CLDN10: variants seen among roughly 807,000 people sequenced by gnomAD.
CLDN10 encodes claudin 10.
In CLDN10, 15 loss-of-function variants were observed where a neutral mutation model predicts 22.9. That is an observed-to-expected ratio of 0.65 (90% CI 0.44 to 1.01). CLDN10 has a LOEUF of 1.01. Ranked by LOEUF, CLDN10 falls within the 50% of genes least tolerant of loss-of-function variation. CLDN10 has a pLI of 0.00. For missense variants in CLDN10, 247 were observed against 287.8 expected (o/e 0.86, Z 1.03); for synonymous variants, 114 against 111.4 (o/e 1.02, Z -0.15).
intron 1 of CLDN10, among the ~76,000 whole-genome samples, chr13:95,500,086 T>C (rs1476581196): frequency 1.3e-5 from 2 of 152,220 alleles, no homozygotes; most frequent in East Asian, 3.8e-4. Flanking sequence ...CCAATTCATG[T>C]AGTCTGCAAA....
At chr13:95,577,092 C>T (rs1401678524) in intron 3 of CLDN10, 139 bp from the exon 4 acceptor site, 1 of 629,030 alleles carries the variant, frequency 1.6e-6, no homozygotes, top group African/African-American at 1.8e-5. Context: ...TTTACAGACA[C>T]AAGGTGTTAT....
intron 1 of CLDN10, among the ~76,000 whole-genome samples, chr13:95,498,696 A>G (rs1448922103): frequency 6.6e-6 from 1 of 152,154 alleles, no homozygotes; most frequent in African/African-American, 2.4e-5. Context: ...TGCCCAGCCT[A>G]TTCCTCTCCT....
chr13:95,567,850 A>G (rs2138672386), intron 3 of CLDN10, among the ~76,000 whole-genome samples: 1 of 152,304 alleles, frequency 6.6e-6, no homozygotes, highest in African/African-American at 2.4e-5. Context: ...AATTTTGTCG[A>G]AGGCCTTTTT....
chr13:95,515,344 G>A (rs528279065), intron 1 of CLDN10, among the ~76,000 whole-genome samples: 81 of 152,246 alleles, frequency 5.3e-4, no homozygotes, highest in African/African-American at 1.8e-3. Flanking sequence ...AATTACATGC[G>A]TGCACCACCA....
intron 1 of CLDN10, among the ~76,000 whole-genome samples, chr13:95,540,164 G>A (rs1387504300): frequency 1.3e-5 from 2 of 152,120 alleles, no homozygotes. Context: ...GCCGGGCATG[G>A]TGGTGCATGC....
intron 1 of CLDN10, among the ~76,000 whole-genome samples, chr13:95,495,326 C>T (rs972426681): frequency 2.0e-5 from 3 of 151,954 alleles, no homozygotes; most frequent in South Asian, 2.1e-4. Context: ...CGTGAGCCAC[C>T]GTGCCCTGCC....
chr13:95,463,685 T>C (rs1389356825), intron 1 of CLDN10, among the ~76,000 whole-genome samples: 1 of 152,120 alleles, frequency 6.6e-6, no homozygotes, highest in African/African-American at 2.4e-5. Flanking sequence ...TTTAGCCATG[T>C]GACACTATTT....
rs976202353 is a variant in CLDN10 at position 95,452,298 on chromosome 13, G to T, written c.214+18251G>T. On this transcript the variant is annotated intron_variant, in intron 1 of 4. Coordinates refer to the CLDN10 transcript ENST00000376873. ...AGGCACCCTTCAAAATGTTCCCTTT[G>T]GGTAGTAAGAAACAGCCCTCCCTGT... Among the ~76,000 whole-genome samples the T allele has an allele frequency of 2.0e-5, 3 of 152,224 alleles. No homozygotes were observed. The South Asian group carries it at 6.2e-4, about 32-fold the overall frequency.
intron 1 of CLDN10, among the ~76,000 whole-genome samples, chr13:95,465,008 G>A (rs532921041): frequency 6.6e-6 from 1 of 152,084 alleles, no homozygotes; most frequent in African/African-American, 2.4e-5. Flanking sequence ...GTAACAGGTT[G>A]TATTAGTCCA....
At chr13:95,527,609 G>T (rs1385844573) in intron 1 of CLDN10, among the ~76,000 whole-genome samples, 1 of 152,062 alleles carries the variant, frequency 6.6e-6, no homozygotes, top group Admixed American at 6.6e-5. Context: ...GATGGTGGGT[G>T]CCTGTAATCC....
chr13:95,486,753 A>C (rs2042808844), intron 1 of CLDN10, among the ~76,000 whole-genome samples: 1 of 152,110 alleles, frequency 6.6e-6, no homozygotes, highest in Non-Finnish European at 1.5e-5. Flanking sequence ...CATATGATTC[A>C]GTAGCCACAT....
Position 95,461,919 on chromosome 13 carries a change from C to T in CLDN10, c.214+27872C>T, listed in dbSNP as rs540535910. Among the ~76,000 whole-genome samples the T allele has an allele frequency of 1.9e-4, 29 of 152,146 alleles. No individual in the cohort carries two copies. The South Asian group carries it at 5.8e-3, about 31-fold the overall frequency. On this transcript the variant is annotated intron_variant, in intron 1 of 4. Transcript: ENST00000376873. ...CCAACCTGGGCAACATAGCAAGACC[C>T]CATGTCTACAAAAAGTAAAAAAAAA...
exon 1 of CLDN10, chr13:95,434,009 T>C (rs753689971): frequency 6.8e-6 from 11 of 1,614,094 alleles, no homozygotes; most frequent in Middle Eastern, 1.6e-4. Flanking sequence ...TTGGGTTCTT[T>C]CCATTGCCGA....
chr13:95,433,759 T>C, exon 1 of CLDN10: 1 of 1,487,362 alleles, frequency 6.7e-7, no homozygotes, highest in South Asian at 1.2e-5. Context: ...CTTGTCAAAG[T>C]GTTCTCTATC....
intron 1 of CLDN10, among the ~76,000 whole-genome samples, chr13:95,467,037 C>CAT: frequency 8.4e-6 from 1 of 119,062 alleles, no homozygotes; most frequent in Middle Eastern, 4.5e-3. Flanking sequence ...CCACCATGCC[C>CAT]GTTTTTTTTT....
Position 95,552,957 on chromosome 13 carries a change from C to A in CLDN10, c.204C>A (p.Ser68=). ...TCTCCAACTGCAAGGACTTCCCCTC[C>A]ATGCTGGCGCTGGACGGTCTGCATC... The part of the protein sequence containing the change: ...TGVSNCKDFP[S]MLALDGYIQA... The change falls in exon 1 of 5, where the codon TCC becomes TCA. Residue 68 remains serine (S), a synonymous_variant. Coordinates refer to ENST00000299339, the MANE Select transcript of CLDN10 (RefSeq NM_006984.5). 1 of 1,614,000 alleles carries A rather than the reference C, an allele frequency of 6.2e-7. No homozygotes were observed. The highest frequency in any genetic ancestry group is 8.5e-7 in the Non-Finnish European group (1 of 1,179,976).
intron 1 of CLDN10, among the ~76,000 whole-genome samples, chr13:95,545,334 A>T (rs1033388832): frequency 6.6e-6 from 1 of 151,832 alleles, no homozygotes; most frequent in African/African-American, 2.4e-5. Context: ...ACCTGAGTTA[A>T]AGAGTTCGAA....
chr13:95,572,170 G>GA (rs549339823), intron 3 of CLDN10, among the ~76,000 whole-genome samples: 64 of 152,066 alleles, frequency 4.2e-4, no homozygotes, highest in Admixed American at 9.2e-4. Flanking sequence ...AGGGCATTCA[G>GA]AAAAAAATCC....
intron 1 of CLDN10, among the ~76,000 whole-genome samples, chr13:95,498,569 A>AT (rs1259401576): frequency 1.3e-5 from 2 of 151,784 alleles, no homozygotes; most frequent in Admixed American, 1.3e-4. Flanking sequence ...TGATTTTTGT[A>AT]TTTTTAGTAG....
Sources: allele counts gnomAD v4.1 joint callset (sites outside exome capture counted in the v4.1 genomes callset), GRCh38; gene constraint gnomAD v4.1.1; transcripts MANE v1.5; gene names NCBI Gene and HGNC (gene_info 2026-07-23, HGNC 2026-07-21).